The following NELL1 variants were observed in gnomAD, a reference collection of about 807,000 sequenced individuals.
NELL1 encodes the protein protein kinase C-binding protein NELL1.
Under a neutral mutation model 107.4 loss-of-function variants are expected in NELL1, and 76 were observed. The ratio of observed to expected loss-of-function variants is 0.71; its 90% CI spans 0.59 to 0.86. The LOEUF is 0.86. Among genes scored for constraint, NELL1 ranks in the 40% least tolerant of loss-of-function variants. The pLI, the probability that NELL1 is intolerant of heterozygous loss-of-function variation, is 0.00. For missense variants in NELL1, 1,024 were observed against 1,005.5 expected (o/e 1.02, Z -0.25); for synonymous variants, 353 against 341.2 (o/e 1.03, Z -0.38).
chr11:21,160,451 TG>T (rs1351646718), intron 13 of NELL1, among the ~76,000 whole-genome samples: 45 of 152,164 alleles, frequency 3.0e-4, no homozygotes, highest in Non-Finnish European at 1.2e-4. Flanking sequence ...CTGTTCAGTG[TG>T]GGGTATGTTT....
At chr11:21,314,127 C>G (rs1355623301) in intron 14 of NELL1, among the ~76,000 whole-genome samples, 1 of 151,430 alleles carries the variant, frequency 6.6e-6, no homozygotes, top group African/African-American at 2.4e-5. Flanking sequence ...GCTTCCTATA[C>G]AGCCTGCAGA....
intron 14 of NELL1, among the ~76,000 whole-genome samples, chr11:21,275,901 C>G (rs934915257): frequency 6.6e-6 from 1 of 152,146 alleles, no homozygotes; most frequent in African/African-American, 2.4e-5. Context: ...GGACATATCT[C>G]AAAATAATAA....
At chr11:21,277,995 A>C (rs1397532705) in intron 14 of NELL1, among the ~76,000 whole-genome samples, 1 of 152,182 alleles carries the variant, frequency 6.6e-6, no homozygotes, top group African/African-American at 2.4e-5. Context: ...ACATGTATGC[A>C]TATGTAACTA....
At chr11:21,340,663 A>ACACACAC in intron 14 of NELL1, among the ~76,000 whole-genome samples, 1 of 150,400 alleles carries the variant, frequency 6.6e-6, no homozygotes, top group African/African-American at 2.4e-5. Flanking sequence ...ACACACACAG[A>ACACACAC]ATGAGAGAGA....
chr11:21,298,814 C>G (rs1849430603), intron 14 of NELL1, among the ~76,000 whole-genome samples: 1 of 151,998 alleles, frequency 6.6e-6, no homozygotes, highest in Admixed American at 6.6e-5. Context: ...AACAACATTT[C>G]CAGTGAAAAT....
chr11:20,957,896 A>C (rs967305465), intron 11 of NELL1, among the ~76,000 whole-genome samples: 33 of 152,200 alleles, frequency 2.2e-4, no homozygotes, highest in African/African-American at 8.0e-4. Flanking sequence ...AGTCTAAATA[A>C]CACAGATGAG....
In NELL1 at chr11:21,320,399, A is replaced by G. The variant is rs895940220; in HGVS notation, c.1550-50454A>G. Among the ~76,000 whole-genome samples, 3 of 152,204 alleles carry G rather than the reference A, an allele frequency of 2.0e-5. No individual in the cohort carries two copies. The East Asian group carries it at 5.8e-4, about 29-fold the overall frequency. On this transcript the variant is annotated intron_variant, in intron 14 of 19. Coordinates refer to ENST00000357134, the MANE Select transcript of NELL1 (RefSeq NM_006157.5). The stretch of plus-strand genomic sequence containing the variant: ...AAACATAACATTGTGCATTTACATC[A>G]CCGTGATAGAGAGGCACTAACAGCT...
At chr11:21,154,228 T>C (rs1856181586) in intron 13 of NELL1, among the ~76,000 whole-genome samples, 2 of 152,186 alleles carry the variant, frequency 1.3e-5, no homozygotes, top group African/African-American at 4.8e-5. Flanking sequence ...GGATAGATTA[T>C]TTTCAAGACC....
chr11:20,737,749 AC>A (rs368205303), intron 2 of NELL1, among the ~76,000 whole-genome samples: 1,607 of 152,110 alleles, frequency 0.011, 17 homozygotes, highest in Middle Eastern at 0.02. Flanking sequence ...TACAGTCTCT[AC>A]TATTAACATT....
At chr11:21,324,388 A>C (rs1850081900) in intron 14 of NELL1, among the ~76,000 whole-genome samples, 1 of 152,176 alleles carries the variant, frequency 6.6e-6, no homozygotes, top group East Asian at 1.9e-4. Context: ...AATTGAAAAT[A>C]AAGTTAGCAG....
intron 15 of NELL1, among the ~76,000 whole-genome samples, chr11:21,445,547 G>A (rs1564897673): frequency 6.6e-6 from 1 of 152,064 alleles, no homozygotes; most frequent in Admixed American, 6.6e-5. Context: ...GTTGAGGCTG[G>A]TCTCGAACTC....
Position 20,793,089 on chromosome 11 carries a change from A to G in NELL1, c.335+9259A>G, listed in dbSNP as rs377602580. Among the ~76,000 whole-genome samples, 19 of 152,024 alleles carry G rather than the reference A, an allele frequency of 1.2e-4. 1 individual carries two copies. Among genetic ancestry groups the G allele is most frequent in the Admixed American group, 9.8e-4 (15 of 15,268 alleles). On this transcript the variant is annotated intron_variant, in intron 3 of 19. Coordinates refer to ENST00000357134, the MANE Select transcript of NELL1 (RefSeq NM_006157.5). ...AAAGGACAGAAAATATTTTGTATAGAAAATATTTGGGCTGAAAAGTACAAA... is the reference window on the plus strand; with the variant it reads ...AAAGGACAGAAAATATTTTGTATAGGAAATATTTGGGCTGAAAAGTACAAA...
intron 12 of NELL1, among the ~76,000 whole-genome samples, chr11:20,988,839 C>G (rs1262300966): frequency 6.6e-6 from 1 of 152,012 alleles, no homozygotes; most frequent in African/African-American, 2.4e-5. Context: ...CGCCTTGCCT[C>G]AGCCTCCCAA....
At chr11:21,530,511 T>C (rs1481776507) in intron 15 of NELL1, among the ~76,000 whole-genome samples, 1 of 152,096 alleles carries the variant, frequency 6.6e-6, no homozygotes, top group African/African-American at 2.4e-5. Context: ...TATTCGTCTG[T>C]TTCTCATTGT....
chr11:21,235,098 T>C (rs1173904345), intron 14 of NELL1, among the ~76,000 whole-genome samples: 1 of 152,102 alleles, frequency 6.6e-6, no homozygotes, highest in Non-Finnish European at 1.5e-5. Context: ...TTTTGAAACA[T>C]GGTTAATGTA....
intron 12 of NELL1, among the ~76,000 whole-genome samples, chr11:21,003,383 C>A (rs1852264734): frequency 6.6e-6 from 1 of 152,140 alleles, no homozygotes; most frequent in Admixed American, 6.5e-5. Flanking sequence ...AGTGCATCAA[C>A]AATGCAATGG....
chr11:21,115,331 AACACACACACACACACACACAC>A (rs66507806), intron 13 of NELL1, among the ~76,000 whole-genome samples: 2 of 140,616 alleles, frequency 1.4e-5, no homozygotes, highest in South Asian at 2.5e-4. Context: ...GTCTACATCA[AACACACACACACACACACACAC>A]ACACACACAC....
intron 12 of NELL1, among the ~76,000 whole-genome samples, chr11:21,068,902 G>A (rs1026450999): frequency 9.9e-5 from 15 of 152,156 alleles, no homozygotes; most frequent in African/African-American, 3.4e-4. Flanking sequence ...GGCCTGGGGA[G>A]CCCCTAAATT....
At chr11:20,699,401 C>T (rs1160611853) in intron 2 of NELL1, among the ~76,000 whole-genome samples, 1 of 151,874 alleles carries the variant, frequency 6.6e-6, no homozygotes, top group East Asian at 1.9e-4. Flanking sequence ...CGCTCTGTCA[C>T]TCAGGCTGGA....
Sources: gnomAD v4.1 joint callset for allele counts (sites outside exome capture counted in the v4.1 genomes callset) on GRCh38, gnomAD v4.1.1 for gene constraint, MANE v1.5 for transcripts, NCBI Gene and HGNC (gene_info 2026-07-23, HGNC 2026-07-21) for gene names.